Variants in GRID2 observed in about 807,000 individuals in gnomAD.
GRID2 encodes the protein glutamate receptor ionotropic, delta-2.
In GRID2, 33 loss-of-function variants were observed where a neutral mutation model predicts 114.8. The ratio of observed to expected loss-of-function variants is 0.29; its 90% CI spans 0.22 to 0.38. The LOEUF is 0.38. Among genes scored for constraint, GRID2 ranks in the 10% least tolerant of loss-of-function variants. The pLI is 1.00. For missense variants in GRID2, 1,184 were observed against 1,257.7 expected (o/e 0.94, Z 0.89); for synonymous variants, 505 against 449.9 (o/e 1.12, Z -1.55).
chr4:93,088,318 A>G (rs1730499451), intron 3 of GRID2, among the ~76,000 whole-genome samples: 1 of 152,194 alleles, frequency 6.6e-6, no homozygotes, highest in South Asian at 2.1e-4. Context: ...GGAAGTGTTC[A>G]GCTTTTAAAA....
chr4:92,752,824 T>C (rs182054352), intron 2 of GRID2, among the ~76,000 whole-genome samples: 50 of 152,320 alleles, frequency 3.3e-4, no homozygotes, highest in Middle Eastern at 3.4e-3. Context: ...TGTCTGTAAC[T>C]TTGTGTGTGT....
chr4:93,205,576 G>A (rs1302421882), intron 4 of GRID2, among the ~76,000 whole-genome samples: 1 of 152,044 alleles, frequency 6.6e-6, no homozygotes, highest in East Asian at 1.9e-4. Flanking sequence ...ATTTAGGTTG[G>A]TTCCAAGTCT....
At chr4:92,317,234 T>TTTTATGACATTTGACA (rs1004330826) in intron 1 of GRID2, among the ~76,000 whole-genome samples, 12 of 152,154 alleles carry the variant, frequency 7.9e-5, no homozygotes, top group African/African-American at 2.7e-4. Context: ...AAAATGACAG[T>TTTTATGACATTTGACA]TTTATGACAT....
chr4:93,701,119 TA>T (rs1727472650), intron 14 of GRID2, among the ~76,000 whole-genome samples: 1 of 152,106 alleles, frequency 6.6e-6, no homozygotes, highest in Non-Finnish European at 1.5e-5. Context: ...CTAAGAGGAA[TA>T]AAAAATAAAA....
chr4:93,121,622 A>G (rs2149362784), intron 4 of GRID2, among the ~76,000 whole-genome samples: 1 of 152,184 alleles, frequency 6.6e-6, no homozygotes, highest in African/African-American at 2.4e-5. Context: ...CTTTTTGGAT[A>G]TGTCTGTAGT....
At chr4:92,424,526 C>T (rs929238726) in intron 1 of GRID2, among the ~76,000 whole-genome samples, 4 of 151,814 alleles carry the variant, frequency 2.6e-5, no homozygotes, top group Non-Finnish European at 5.9e-5. Context: ...CAGTGATAAA[C>T]TGGAAGTAAT....
At chr4:92,363,718 T>C (rs1419330038) in intron 1 of GRID2, among the ~76,000 whole-genome samples, 1 of 152,000 alleles carries the variant, frequency 6.6e-6, no homozygotes, top group African/African-American at 2.4e-5. Flanking sequence ...GAAAAGGGTT[T>C]AGCTTAGTGT....
intron 2 of GRID2, among the ~76,000 whole-genome samples, chr4:92,967,730 G>T (rs1753250067): frequency 6.6e-6 from 1 of 151,866 alleles, no homozygotes; most frequent in African/African-American, 2.4e-5. Flanking sequence ...TCTTTGTTGA[G>T]TTCAGGATTA....
intron 2 of GRID2, among the ~76,000 whole-genome samples, chr4:92,768,050 T>G (rs1181506539): frequency 1.3e-5 from 2 of 152,206 alleles, no homozygotes; most frequent in East Asian, 3.9e-4. Flanking sequence ...ATTAAATATT[T>G]TCATCCTCAA....
At chr4:93,260,904 G>T (rs1018563840) in intron 8 of GRID2, among the ~76,000 whole-genome samples, 2 of 151,728 alleles carry the variant, frequency 1.3e-5, no homozygotes, top group Non-Finnish European at 3.0e-5. Context: ...TCCTGGGCTG[G>T]TCCTAATTAA....
chr4:93,126,146 T>C (rs1029426882), intron 4 of GRID2, among the ~76,000 whole-genome samples: 1 of 152,188 alleles, frequency 6.6e-6, no homozygotes, highest in Non-Finnish European at 1.5e-5. Flanking sequence ...CTAATAAATA[T>C]TTGCATTTTA....
At chr4:92,537,396 G>A (rs1411097764) in intron 1 of GRID2, among the ~76,000 whole-genome samples, 1 of 152,100 alleles carries the variant, frequency 6.6e-6, no homozygotes, top group Non-Finnish European at 1.5e-5. Context: ...TATATTATTA[G>A]GTTGCAGTGA....
At chr4:93,179,284 G>A (rs1038045652) in intron 4 of GRID2, among the ~76,000 whole-genome samples, 1 of 152,176 alleles carries the variant, frequency 6.6e-6, no homozygotes, top group African/African-American at 2.4e-5. Flanking sequence ...GTGAAAGCTA[G>A]TATATCTTCT....
Position 93,422,975 on chromosome 4 carries a change from AT to A in GRID2, c.1545+9del. ...AGGAGAACTTGTCTTTAAGGTAAGAATTACTTTATTTATTTGTCTCATACTT... is the reference window on the plus strand; with the variant it reads ...AGGAGAACTTGTCTTTAAGGTAAGAATACTTTATTTATTTGTCTCATACTT... On this transcript the variant is annotated splice_region_variant and intron_variant, in intron 10 of 15. Transcript: ENST00000282020. 6.4e-7 allele frequency: 1 copy of A among 1,566,336 alleles called. No homozygotes were observed. Among genetic ancestry groups the A allele is most frequent in the Non-Finnish European group, 8.8e-7 (1 of 1,136,796 alleles).
chr4:93,132,232 A>G (rs1734870377), intron 4 of GRID2, among the ~76,000 whole-genome samples: 1 of 152,212 alleles, frequency 6.6e-6, no homozygotes, highest in Non-Finnish European at 1.5e-5. Context: ...TCAGTATTTG[A>G]CATAGAACCT....
At chr4:93,202,039 A>C (rs1439941072) in intron 4 of GRID2, among the ~76,000 whole-genome samples, 1 of 152,162 alleles carries the variant, frequency 6.6e-6, no homozygotes, top group Non-Finnish European at 1.5e-5. Flanking sequence ...ACTCTATATG[A>C]ACATGTCATG....
At chr4:92,439,655 T>A (rs1040482316) in intron 1 of GRID2, among the ~76,000 whole-genome samples, 6 of 145,180 alleles carry the variant, frequency 4.1e-5, no homozygotes, top group Admixed American at 4.1e-4. Flanking sequence ...GGTGATGGCC[T>A]GGATACGGTT....
At chr4:93,344,297 G>T (rs1759964612) in intron 8 of GRID2, among the ~76,000 whole-genome samples, 1 of 151,928 alleles carries the variant, frequency 6.6e-6, no homozygotes, top group Admixed American at 6.6e-5. Context: ...AGACTTTATG[G>T]AGGTAGACAT....
At chr4:93,497,863 C>T (rs1037422155) in intron 12 of GRID2, among the ~76,000 whole-genome samples, 20 of 151,848 alleles carry the variant, frequency 1.3e-4, no homozygotes, top group African/African-American at 4.6e-4. Context: ...TCTATATCTA[C>T]AAAAATATTG....
Sources: gnomAD v4.1 joint callset for allele counts (sites outside exome capture counted in the v4.1 genomes callset) on GRCh38, gnomAD v4.1.1 for gene constraint, MANE v1.5 for transcripts, NCBI Gene and HGNC (gene_info 2026-07-23, HGNC 2026-07-21) for gene names.